The following LHX4 variants were observed in gnomAD, a reference collection of about 807,000 sequenced individuals.
The protein encoded by LHX4 is LIM/homeobox protein Lhx4.
In LHX4, 16 loss-of-function variants were observed where a neutral mutation model predicts 39.2. The observed-to-expected ratio is 0.41, with a 90% confidence interval of 0.28 to 0.62. LHX4 has a LOEUF of 0.62. LHX4 is among the 20% of genes least tolerant of loss of function. LHX4 has a pLI of 0.33. For missense variants in LHX4, 439 were observed against 511.9 expected (o/e 0.86, Z 1.37); for synonymous variants, 206 against 198.1 (o/e 1.04, Z -0.33).
chr1:180,244,710 T>C (rs12124616), intron 1 of LHX4, among the ~76,000 whole-genome samples: 28,133 of 152,232 alleles, frequency 0.18, 2,755 homozygotes, highest in African/African-American at 0.21. Context: ...TGTGGCCCCT[T>C]TTGCCCAGGA....
At chr1:180,271,557 C>T (rs762260848) in intron 4 of LHX4, 23 bp downstream of exon 4, 3 of 1,613,552 alleles carry the variant, frequency 1.9e-6, no homozygotes, top group Non-Finnish European at 2.5e-6. Context: ...CACTCCTGTG[C>T]CCTCCGGGGA....
At chr1:180,248,704 G>C (rs1342374272) in intron 2 of LHX4, 1 of 552,204 alleles carries the variant, frequency 1.8e-6, no homozygotes, top group Admixed American at 3.0e-5. Flanking sequence ...AGGAGCCAGA[G>C]GCCTTGGGCT....
chr1:180,271,662 T>C (rs1239295304), intron 4 of LHX4, 128 bp downstream of exon 4: 19 of 1,379,110 alleles, frequency 1.4e-5, no homozygotes, highest in Non-Finnish European at 2.0e-5. Context: ...TTGCCAGAAC[T>C]GAAGACAGAG....
Position 180,274,367 on chromosome 1 carries a change from C to T in LHX4, c.961C>T (p.Pro321Ser). 1.2e-6 allele frequency: 2 copies of T among 1,614,230 alleles called. No individual in the cohort carries two copies. Among genetic ancestry groups the T allele is most frequent in the South Asian group, 2.2e-5 (2 of 91,088 alleles). Residue 321 changes from proline to serine, a missense_variant, in exon 6 of 6, where the codon CCA (proline) becomes TCA (serine). Coordinates refer to ENST00000263726, the MANE Select transcript of LHX4 (RefSeq NM_033343.4). ...GTCTCCATCCTCCATATCGTCCCTGCCATCCCACGCTCCTTTGCTCAATGG... is the reference window on the plus strand; with the variant it reads ...GTCTCCATCCTCCATATCGTCCCTGTCATCCCACGCTCCTTTGCTCAATGG... ...PQSPSSISSL[P>S]SHAPLLNGLD...
chr1:180,234,199 A>G lies in LHX4; in HGVS notation c.76+3594A>G, dbSNP rs1402431482. 4.5e-5 allele frequency among the ~76,000 whole-genome samples: 4 copies of G among 89,710 alleles called. No homozygotes were observed. Among genetic ancestry groups the G allele is most frequent in the Non-Finnish European group, 8.2e-5 (4 of 48,822 alleles). The allele number at this position is 89,710 out of a possible 152,430, so 58.9% of individuals were successfully genotyped here. A position where few individuals can be genotyped will look rare whatever the true frequency, so the allele number is the denominator to read the frequency against. On this transcript the variant is annotated intron_variant, in intron 1 of 5. Transcript: ENST00000263726. This position sits in a 1 kb window ranked among gnomAD's most constrained non-coding sequence, Gnocchi z 4.8. ...TATATATATATATATATATATATAT[A>G]TATATATATATATATATATATAATA... is the stretch of plus-strand genomic sequence containing the variant.
chr1:180,251,599 G>T (rs1317470412), intron 2 of LHX4, among the ~76,000 whole-genome samples: 1 of 152,234 alleles, frequency 6.6e-6, no homozygotes, highest in Non-Finnish European at 1.5e-5. Context: ...GGCCACTGCT[G>T]GGTTTGATGC....
intron 1 of LHX4, among the ~76,000 whole-genome samples, chr1:180,244,131 T>C (rs538340809): frequency 4.6e-5 from 7 of 152,352 alleles, no homozygotes; most frequent in Middle Eastern, 6.8e-3. Flanking sequence ...ACTCAAGCCC[T>C]GACGTGGCTC....
chr1:180,231,697 G>T (rs1041318907), intron 1 of LHX4, among the ~76,000 whole-genome samples: 2 of 151,980 alleles, frequency 1.3e-5, no homozygotes, highest in Non-Finnish European at 2.9e-5. Context: ...TTCCGCCTGC[G>T]ACTTCTTTAG....
rs1649201969 is a variant in LHX4, at chr1:180,278,828, AAG to A, written c.*4251_*4252del. On this transcript the variant is annotated 3_prime_UTR_variant, in exon 6 of 6. Coordinates refer to ENST00000263726, the MANE Select transcript of LHX4 (RefSeq NM_033343.4). ...GAAGTCTCGTTTCCTGGGGAAAAAAAAGAAAAAAAGAAAAAAAAAAGACCCAC... is the reference window on the plus strand; with the variant it reads ...GAAGTCTCGTTTCCTGGGGAAAAAAAAAAAAAAGAAAAAAAAAAGACCCAC... 7 of 149,540 alleles carry A rather than the reference AAG, an allele frequency of 4.7e-5. No homozygotes were observed. The highest frequency in any genetic ancestry group is 1.8e-4 in the African/African-American group (7 of 38,962). The allele number at this position is 149,540 out of a possible 1,614,324, so 9.3% of individuals were successfully genotyped here. A position where few individuals can be genotyped will look rare whatever the true frequency, so the allele number is the denominator to read the frequency against.
At chr1:180,229,065 G>A (rs1368754657), upstream of LHX4, among the ~76,000 whole-genome samples, 3 of 152,214 alleles carry the variant, frequency 2.0e-5, no homozygotes, top group Non-Finnish European at 2.9e-5. Context: ...CCCAGCGTTG[G>A]GCCTTCTGTT....
intron 2 of LHX4, among the ~76,000 whole-genome samples, chr1:180,251,829 C>T (rs766743268): frequency 6.6e-6 from 1 of 152,168 alleles, no homozygotes; most frequent in African/African-American, 2.4e-5. Context: ...CATCTGGCCA[C>T]GGATTCAGTG....
chr1:180,263,718 C>T (rs1026731321), intron 2 of LHX4, among the ~76,000 whole-genome samples: 1 of 152,144 alleles, frequency 6.6e-6, no homozygotes, highest in Non-Finnish European at 1.5e-5. Context: ...AAATTTATAC[C>T]CCCGTTATCT....
In LHX4 at chr1:180,234,207, A is replaced by ATATG. The variant is rs1664256460; in HGVS notation, c.76+3605_76+3606insGTAT. 1.6e-5 allele frequency among the ~76,000 whole-genome samples: 1 copy of ATATG among 64,430 alleles called. No homozygotes were observed. The highest frequency in any genetic ancestry group is 2.9e-5 in the Non-Finnish European group (1 of 34,366). 42.3% of individuals were successfully genotyped at this position (64,430 alleles called of 152,430 possible). A position where few individuals can be genotyped will look rare whatever the true frequency, so the allele number is the denominator to read the frequency against. On this transcript the variant is annotated intron_variant, in intron 1 of 5. Coordinates refer to ENST00000263726, the MANE Select transcript of LHX4 (RefSeq NM_033343.4). This position sits in a 1 kb window ranked among gnomAD's most constrained non-coding sequence, Gnocchi z 4.8. Reference sequence around the variant, plus strand: ...TATATATATATATATATATATATATATATATATATATATAATAGATTGAGA... The same window carrying ATATG: ...TATATATATATATATATATATATATATATGTATATATATATATAATAGATTGAGA...
chr1:180,274,303 T>A lies in LHX4; in HGVS notation c.897T>A (p.Tyr299Ter). The change falls in exon 6 of 6, where the codon TAT becomes TAA. Residue 299 changes from tyrosine (Y) to a stop codon, truncating the protein, a stop_gained. Transcript: ENST00000263726. LOFTEE classifies it high-confidence loss of function. ...CCATGGACGGGACAGGACAATCCTA[T>A]CAGGACTTGAGGGATGGGAGCCCCT... ...SFSMDGTGQS[Y>*]QDLRDGSPYG... The A allele has an allele frequency of 6.2e-7, 1 of 1,614,194 alleles. No individual in the cohort carries two copies. The highest frequency in any genetic ancestry group is 8.5e-7 in the Non-Finnish European group (1 of 1,180,030).
In LHX4 at chr1:180,266,248, C is replaced by A; in HGVS notation, c.249-144C>A. On this transcript the variant is annotated intron_variant, in intron 2 of 5. Transcript: ENST00000263726. This position sits in a 1 kb window ranked among gnomAD's most constrained non-coding sequence, Gnocchi z 5.7. Reference sequence around the variant, plus strand: ...GAAGCTAGATGGAGGCAGAGAGGACCAGACGGTAAGCTCTGGGTGACTGGG... The same window carrying A: ...GAAGCTAGATGGAGGCAGAGAGGACAAGACGGTAAGCTCTGGGTGACTGGG... The A allele has an allele frequency of 1.3e-6, 1 of 764,970 alleles. No homozygotes were observed. 47.4% of individuals were successfully genotyped at this position (764,970 alleles called of 1,614,324 possible).
Position 180,274,340 on chromosome 1 carries a change from C to G in LHX4, c.934C>G (p.Gln312Glu). 1 of 1,614,238 alleles carries G rather than the reference C, an allele frequency of 6.2e-7. No homozygotes were observed. The highest frequency in any genetic ancestry group is 8.5e-7 in the Non-Finnish European group (1 of 1,180,046). The change falls in exon 6 of 6, where the codon CAG (glutamine) becomes GAG (glutamate). Residue 312 changes from glutamine to glutamate, a missense_variant. Coordinates refer to ENST00000263726, the MANE Select transcript of LHX4 (RefSeq NM_033343.4). ...LRDGSPYGIP[Q>E]SPSSISSLPS... The stretch of plus-strand genomic sequence containing the variant: ...GGATGGGAGCCCCTATGGAATCCCC[C>G]AGTCTCCATCCTCCATATCGTCCCT...
Position 180,234,172 on chromosome 1 carries a change from TATATATATATATATATATA to T in LHX4, c.76+3568_76+3586del, listed in dbSNP as rs1664250933. ...AGACACACACAACACACACAAATTA[TATATATATATATATATATA>T]TATATATATATATATATATATATAT... On this transcript the variant is annotated intron_variant, in intron 1 of 5. Coordinates refer to ENST00000263726, the MANE Select transcript of LHX4 (RefSeq NM_033343.4). The surrounding 1 kb of genome is among the most constrained non-coding windows in gnomAD (Gnocchi z 4.8). Among the ~76,000 whole-genome samples, 1 of 6,088 alleles carries T rather than the reference TATATATATATATATATATA, an allele frequency of 1.6e-4. No homozygotes were observed. Among genetic ancestry groups the T allele is most frequent in the African/African-American group, 9.0e-4 (1 of 1,116 alleles). 4.0% of individuals were successfully genotyped at this position (6,088 alleles called of 152,430 possible).
In LHX4 at chr1:180,248,383, G is replaced by A. The variant is rs776222477; in HGVS notation, c.175G>A (p.Asp59Asn). ...HWHSSCLKCADCQMQLADRCF... is the reference protein window; with the variant it reads ...HWHSSCLKCANCQMQLADRCF... ...GCACAGCTCCTGCCTCAAGTGTGCA[G>A]ACTGCCAGATGCAGCTGGCGGACAG... Residue 59 changes from aspartate to asparagine, a missense_variant, in exon 2 of 6, where the codon GAC becomes AAC. Physicochemically the swap from Asp to Asn is conservative, Grantham distance 23. Coordinates refer to ENST00000263726, the MANE Select transcript of LHX4 (RefSeq NM_033343.4). The A allele has an allele frequency of 1.9e-6, 3 of 1,614,262 alleles. No individual in the cohort carries two copies. The Admixed American group carries it at 5.0e-5, about 27-fold the overall frequency.
intron 2 of LHX4, among the ~76,000 whole-genome samples, chr1:180,262,214 G>A (rs1475149765): frequency 3.4e-5 from 5 of 149,124 alleles, no homozygotes; most frequent in Non-Finnish European, 4.4e-5. Context: ...GACAGTTAAA[G>A]GAGTCTTGGA....
Sources: allele counts gnomAD v4.1 joint callset (sites outside exome capture counted in the v4.1 genomes callset), GRCh38; gene constraint gnomAD v4.1.1; non-coding constraint Gnocchi (gnomAD v3.1); transcripts MANE v1.5; gene names NCBI Gene and HGNC (gene_info 2026-07-23, HGNC 2026-07-21).